Variants in SYK observed in about 807,000 individuals in gnomAD.
SYK encodes spleen associated tyrosine kinase, also known as tyrosine-protein kinase SYK.
In SYK, 16 loss-of-function variants were observed where a neutral mutation model predicts 77.8. The observed-to-expected ratio is 0.21, with a 90% CI of 0.14 to 0.31. The LOEUF is 0.31. Ranked by LOEUF, SYK falls within the 10% of genes least tolerant of loss-of-function variation. The pLI is 1.00. For synonymous variants in SYK, 312 were observed against 308.7 expected (o/e 1.01, Z -0.11); for missense variants, 529 against 814.4 (o/e 0.65, Z 4.26).
Position 90,897,355 on chromosome 9 carries a change from T to A in SYK, c.*1755T>A, listed in dbSNP as rs1829030653. On this transcript the variant is annotated 3_prime_UTR_variant, in exon 14 of 14. Coordinates refer to ENST00000375754, the MANE Select transcript of SYK (RefSeq NM_003177.7). ...ACAGAATCCCTGAGTGCTGAGCAGA[T>A]TCTCAAAACACATTTAGAATCCCTG... 4.3e-6 allele frequency: 1 copy of A among 231,290 alleles called. No homozygotes were observed. Among genetic ancestry groups the A allele is most frequent in the Non-Finnish European group, 8.6e-6 (1 of 116,874 alleles). The allele number at this position is 231,290 out of a possible 1,614,324, so 14.3% of individuals were successfully genotyped here. A position where few individuals can be genotyped will look rare whatever the true frequency, so the allele number is the denominator to read the frequency against.
At chr9:90,867,312 C>A in intron 7 of SYK, 113 bp downstream of exon 7, 2 of 1,094,472 alleles carry the variant, frequency 1.8e-6, no homozygotes, top group Non-Finnish European at 2.8e-6. Context: ...TCTTGCCACT[C>A]TGCTTCCAGG....
chr9:90,822,614 G>A (rs1383966656), intron 1 of SYK, among the ~76,000 whole-genome samples: 1 of 152,230 alleles, frequency 6.6e-6, no homozygotes, highest in Admixed American at 6.5e-5. Flanking sequence ...GGAGATAGGT[G>A]ATGATTTAGT....
At chr9:90,820,352 G>T (rs1423238469) in intron 1 of SYK, among the ~76,000 whole-genome samples, 1 of 152,240 alleles carries the variant, frequency 6.6e-6, no homozygotes, top group Non-Finnish European at 1.5e-5. Flanking sequence ...TCCTAGCAGA[G>T]GTTATCCATG....
At chr9:90,890,218 A>T (rs958149794) in intron 13 of SYK, among the ~76,000 whole-genome samples, 1 of 152,186 alleles carries the variant, frequency 6.6e-6, no homozygotes, top group African/African-American at 2.4e-5. Context: ...CTTGGCTCCC[A>T]GGTGGGTGCA....
chr9:90,842,487 G>A (rs1826404496), intron 1 of SYK, among the ~76,000 whole-genome samples: 1 of 151,608 alleles, frequency 6.6e-6, no homozygotes, highest in Non-Finnish European at 1.5e-5. Flanking sequence ...TGTAGTTTGT[G>A]TGTATGTGTA....
At chr9:90,866,055 C>T (rs942455234) in intron 6 of SYK, among the ~76,000 whole-genome samples, 1 of 152,022 alleles carries the variant, frequency 6.6e-6, no homozygotes, top group Non-Finnish European at 1.5e-5. Context: ...CCCGCCACAA[C>T]ACCCGGCTAA....
chr9:90,855,263 G>C (rs1826983469), intron 3 of SYK, among the ~76,000 whole-genome samples: 1 of 152,172 alleles, frequency 6.6e-6, no homozygotes, highest in African/African-American at 2.4e-5. Context: ...AGTCCCACTT[G>C]CACTGCAAAG....
chr9:90,806,893 T>A (rs553271784), intron 1 of SYK, among the ~76,000 whole-genome samples: 2 of 144,122 alleles, frequency 1.4e-5, no homozygotes, highest in African/African-American at 5.1e-5. Context: ...GTGATGAGAA[T>A]GTTTATTTTT....
intron 6 of SYK, among the ~76,000 whole-genome samples, chr9:90,866,423 A>C (rs894835502): frequency 1.3e-5 from 2 of 152,226 alleles, no homozygotes; most frequent in Non-Finnish European, 2.9e-5. Context: ...ATTTGCTAAA[A>C]TACCAGTGAC....
At chr9:90,818,336 A>C (rs978883690) in intron 1 of SYK, among the ~76,000 whole-genome samples, 1 of 152,246 alleles carries the variant, frequency 6.6e-6, no homozygotes, top group African/African-American at 2.4e-5. Context: ...AGCAGGAAAC[A>C]ACTTCAGAAT....
intron 13 of SYK, among the ~76,000 whole-genome samples, chr9:90,892,515 C>G (rs1157153776): frequency 6.6e-5 from 10 of 152,132 alleles, no homozygotes; most frequent in African/African-American, 2.4e-4. Context: ...TTGGGATGGC[C>G]CATGCTTCAC....
chr9:90,850,929 A>G (rs10993715), intron 3 of SYK, among the ~76,000 whole-genome samples: 8,950 of 152,266 alleles, frequency 0.059, 479 homozygotes, highest in East Asian at 0.22. Flanking sequence ...CAAAATGCAG[A>G]TGATGGAAGC....
At chr9:90,831,496 T>C (rs1305569637) in intron 1 of SYK, among the ~76,000 whole-genome samples, 1 of 152,250 alleles carries the variant, frequency 6.6e-6, no homozygotes, top group Non-Finnish European at 1.5e-5. Context: ...GATAACTATT[T>C]TCCCAAAACA....
At chr9:90,838,108 T>C (rs934401964) in intron 1 of SYK, among the ~76,000 whole-genome samples, 3 of 152,168 alleles carry the variant, frequency 2.0e-5, no homozygotes, top group Admixed American at 6.5e-5. Context: ...CTGGAGTATG[T>C]GGAGGTCAAC....
intron 1 of SYK, among the ~76,000 whole-genome samples, chr9:90,827,316 G>A (rs961855434): frequency 6.6e-6 from 1 of 152,104 alleles, no homozygotes; most frequent in South Asian, 2.1e-4. Context: ...AAGAGGCCCC[G>A]TGCTGCTGGG....
chr9:90,859,555 C>T (rs55935711), intron 3 of SYK, among the ~76,000 whole-genome samples: 1 of 152,238 alleles, frequency 6.6e-6, no homozygotes, highest in Non-Finnish European at 1.5e-5. Flanking sequence ...ACAGATGAAG[C>T]TGCTATAAGT....
At chr9:90,819,586 A>C (rs1412451890) in intron 1 of SYK, among the ~76,000 whole-genome samples, 1 of 152,220 alleles carries the variant, frequency 6.6e-6, no homozygotes, top group African/African-American at 2.4e-5. Flanking sequence ...AGACTTAATC[A>C]CTATTACAAG....
intron 13 of SYK, among the ~76,000 whole-genome samples, chr9:90,891,293 C>T (rs1828783041): frequency 6.6e-6 from 1 of 151,954 alleles, no homozygotes; most frequent in Non-Finnish European, 1.5e-5. Flanking sequence ...CTACAGGCGC[C>T]CGCCACCACG....
At chr9:90,832,881 C>G (rs1362672013) in intron 1 of SYK, among the ~76,000 whole-genome samples, 1 of 152,188 alleles carries the variant, frequency 6.6e-6, no homozygotes, top group African/African-American at 2.4e-5. Flanking sequence ...GGCTCAGGCC[C>G]TCTGTAGGGT....
Sources: allele counts gnomAD v4.1 joint callset (sites outside exome capture counted in the v4.1 genomes callset), GRCh38; gene constraint gnomAD v4.1.1; transcripts MANE v1.5; gene names NCBI Gene and HGNC (gene_info 2026-07-23, HGNC 2026-07-21).